RAPGEF4: variants seen among roughly 807,000 people sequenced by gnomAD.
RAPGEF4 encodes Rap guanine nucleotide exchange factor 4, also known as RAP guanine-nucleotide-exchange factor (GEF) 4.
A neutral mutation model predicts 147.9 loss-of-function variants in RAPGEF4; 66 were observed. The ratio of observed to expected loss-of-function variants is 0.45; its 90% CI spans 0.37 to 0.55. The LOEUF (loss-of-function observed/expected upper bound fraction) is 0.55, where lower values mean the gene tolerates loss of function less well. Among genes scored for constraint, RAPGEF4 ranks in the 20% least tolerant of loss-of-function variants. RAPGEF4 has a pLI of 0.00. For synonymous variants in RAPGEF4, 419 were observed against 442.7 expected (o/e 0.95, Z 0.67); for missense variants, 1,071 against 1,257.3 (o/e 0.85, Z 2.24).
chr2:172,886,626 G>T (rs1329075537), intron 4 of RAPGEF4, among the ~76,000 whole-genome samples: 1 of 151,946 alleles, frequency 6.6e-6, no homozygotes, highest in Non-Finnish European at 1.5e-5. Flanking sequence ...TCCAGACCTG[G>T]AGTGTGTGGT....
intron 6 of RAPGEF4, among the ~76,000 whole-genome samples, chr2:172,950,271 A>T (rs988053439): frequency 6.6e-6 from 1 of 152,114 alleles, no homozygotes; most frequent in Admixed American, 6.5e-5. Flanking sequence ...CTGGGGTCCA[A>T]TGTGTGCACT....
intron 4 of RAPGEF4, among the ~76,000 whole-genome samples, chr2:172,828,381 A>G (rs1689919180): frequency 6.6e-6 from 1 of 152,174 alleles, no homozygotes; most frequent in Admixed American, 6.5e-5. Flanking sequence ...GAGGGGTCAT[A>G]ACAGCCCCTC....
intron 4 of RAPGEF4, among the ~76,000 whole-genome samples, chr2:172,875,091 GTTGT>G (rs1249053642): frequency 2.0e-5 from 3 of 152,152 alleles, no homozygotes; most frequent in East Asian, 1.9e-4. Flanking sequence ...TTTTGATGGG[GTTGT>G]TTGTTTTTTT....
chr2:172,864,130 A>G (rs1163379762), intron 4 of RAPGEF4, among the ~76,000 whole-genome samples: 3 of 152,166 alleles, frequency 2.0e-5, no homozygotes, highest in Admixed American at 1.3e-4. Context: ...TCCTTATTTC[A>G]GGCATATCAT....
chr2:172,792,790 G>A (rs1462531601), intron 1 of RAPGEF4, among the ~76,000 whole-genome samples: 1 of 152,176 alleles, frequency 6.6e-6, no homozygotes, highest in Non-Finnish European at 1.5e-5. Flanking sequence ...AGCTAGTCTT[G>A]ACTTCTGTAT....
At chr2:172,829,484 T>C (rs1574970500) in intron 4 of RAPGEF4, among the ~76,000 whole-genome samples, 2 of 152,180 alleles carry the variant, frequency 1.3e-5, no homozygotes, top group East Asian at 3.8e-4. Context: ...GAAAACATCG[T>C]GGTCACTTGG....
intron 4 of RAPGEF4, among the ~76,000 whole-genome samples, chr2:172,880,161 A>G (rs1696442780): frequency 1.3e-5 from 2 of 152,148 alleles, no homozygotes; most frequent in Non-Finnish European, 2.9e-5. Context: ...TAAACATAAA[A>G]TGTTGCTCAG....
intron 6 of RAPGEF4, among the ~76,000 whole-genome samples, chr2:172,951,988 C>A (rs1419873101): frequency 6.6e-6 from 1 of 152,066 alleles, no homozygotes; most frequent in African/African-American, 2.4e-5. Flanking sequence ...CTATGGAGCA[C>A]TTGAAATGTA....
At chr2:172,865,791 C>T (rs1694569032) in intron 4 of RAPGEF4, among the ~76,000 whole-genome samples, 1 of 152,100 alleles carries the variant, frequency 6.6e-6, no homozygotes, top group Non-Finnish European at 1.5e-5. Context: ...TATCCTCCTT[C>T]CGAGTGAAGG....
intron 8 of RAPGEF4, 100 bp from the exon 9 acceptor site, chr2:172,965,462 T>C (rs2105493040): frequency 7.5e-7 from 1 of 1,340,226 alleles, no homozygotes; most frequent in Non-Finnish European, 1.1e-6. Context: ...TGGTAGGAGA[T>C]CATTAAGCCC....
Position 172,891,021 on chromosome 2 carries a change from C to T in RAPGEF4, c.445-26781C>T, listed in dbSNP as rs374466088. ...TGGCACATACCTGTAGTCCCAGCTA[C>T]GTGGGAGGCTGAGGCATGAGAATCG... On this transcript the variant is annotated intron_variant, in intron 4 of 30. Coordinates refer to ENST00000397081, the MANE Select transcript of RAPGEF4 (RefSeq NM_007023.4). 2.6e-4 allele frequency among the ~76,000 whole-genome samples: 39 copies of T among 152,182 alleles called. No homozygotes were observed. The East Asian group carries it at 3.9e-3, about 15-fold the overall frequency.
chr2:173,023,345 G>T (rs6433386), intron 23 of RAPGEF4, among the ~76,000 whole-genome samples: 126,814 of 152,158 alleles, frequency 0.83, 54,731 homozygotes, highest in East Asian at 0.94. Flanking sequence ...TGTGTCTGTG[G>T]GTAAGCAGCT....
intron 10 of RAPGEF4, among the ~76,000 whole-genome samples, chr2:172,969,572 G>A (rs1486005906): frequency 6.6e-6 from 1 of 152,240 alleles, no homozygotes; most frequent in African/African-American, 2.4e-5. Context: ...CCCAGCTAAT[G>A]TTCCCTCAGC....
At chr2:172,841,110 G>A (rs1410846303) in intron 4 of RAPGEF4, among the ~76,000 whole-genome samples, 2 of 152,212 alleles carry the variant, frequency 1.3e-5, no homozygotes, top group African/African-American at 4.8e-5. Flanking sequence ...GCTCCACAAA[G>A]TCTCATGTTG....
chr2:172,989,710 G>T (rs576464373), intron 14 of RAPGEF4, among the ~76,000 whole-genome samples: 1 of 152,088 alleles, frequency 6.6e-6, no homozygotes, highest in South Asian at 2.1e-4. Context: ...GGTCCTTCCC[G>T]CCCTAGCTTG....
intron 4 of RAPGEF4, among the ~76,000 whole-genome samples, chr2:172,868,844 G>A (rs1694912307): frequency 1.3e-5 from 2 of 152,190 alleles, no homozygotes; most frequent in African/African-American, 4.8e-5. Context: ...CATGATGCTG[G>A]CATCTGCTCC....
chr2:173,023,325 A>C (rs191022418), intron 23 of RAPGEF4, among the ~76,000 whole-genome samples: 1 of 152,330 alleles, frequency 6.6e-6, no homozygotes, highest in African/African-American at 2.4e-5. Flanking sequence ...GAGAAAATGC[A>C]TGGGAGTTCT....
chr2:173,014,439 A>G lies in RAPGEF4; in HGVS notation c.1659-25A>G, dbSNP rs773330812. The G allele has an allele frequency of 6.8e-6, 11 of 1,613,040 alleles. No individual in the cohort carries two copies. In the African/African-American group the frequency reaches 1.1e-4, roughly 16 times the overall value. On this transcript the variant is annotated intron_variant, in intron 17 of 30. Coordinates refer to ENST00000397081, the MANE Select transcript of RAPGEF4 (RefSeq NM_007023.4). ...ATGTGAAATGAGTGTGAAATGGCTC[A>G]ATTTCTTCCTTGACTCCTCGGCACC...
At chr2:172,984,794 T>G (rs1291983575) in intron 11 of RAPGEF4, among the ~76,000 whole-genome samples, 1 of 152,164 alleles carries the variant, frequency 6.6e-6, no homozygotes, top group East Asian at 1.9e-4. Context: ...TCAGTGGAAT[T>G]GAGAGGATTG....
Sources: allele counts gnomAD v4.1 joint callset (sites outside exome capture counted in the v4.1 genomes callset), GRCh38; gene constraint gnomAD v4.1.1; transcripts MANE v1.5; gene names NCBI Gene and HGNC (gene_info 2026-07-23, HGNC 2026-07-21).